The following MAGI2 variants were observed in gnomAD, a reference collection of about 807,000 sequenced individuals.
The protein encoded by MAGI2 is membrane associated guanylate kinase, WW and PDZ domain containing 2.
A neutral mutation model predicts 133.3 loss-of-function variants in MAGI2; 35 were observed. The observed-to-expected ratio is 0.26, with a 90% CI of 0.20 to 0.35. The LOEUF (loss-of-function observed/expected upper bound fraction) is 0.35, where lower values mean the gene tolerates loss of function less well. MAGI2 is among the 10% of genes least tolerant of loss of function. The probability of loss-of-function intolerance (pLI) is 1.00; values close to 1 mark genes in which losing one functional copy is unlikely to be tolerated. For synonymous variants in MAGI2, 729 were observed against 710.6 expected (o/e 1.03, Z -0.41); for missense variants, 1,636 against 1,863.4 (o/e 0.88, Z 2.25).
intron 5 of MAGI2, among the ~76,000 whole-genome samples, chr7:78,498,761 G>T (rs1308618261): frequency 6.6e-6 from 1 of 152,074 alleles, no homozygotes; most frequent in African/African-American, 2.4e-5. Context: ...TAAGGTGGAG[G>T]GTGTTGGGGA....
chr7:78,136,119 C>CT (rs35457952), intron 16 of MAGI2, among the ~76,000 whole-genome samples: 7 of 141,764 alleles, frequency 4.9e-5, no homozygotes, highest in Non-Finnish European at 9.3e-5. Flanking sequence ...TTTCTTTCTT[C>CT]TTTTTTTTTT....
At chr7:78,283,051 T>G (rs1584709437) in intron 9 of MAGI2, among the ~76,000 whole-genome samples, 1 of 152,108 alleles carries the variant, frequency 6.6e-6, no homozygotes, top group African/African-American at 2.4e-5. Context: ...ATTTTAGAGA[T>G]GAGGTCTCAC....
At chr7:78,361,118 A>G (rs1779610559) in intron 7 of MAGI2, among the ~76,000 whole-genome samples, 1 of 152,164 alleles carries the variant, frequency 6.6e-6, no homozygotes, top group African/African-American at 2.4e-5. Flanking sequence ...TGCTTGGGCC[A>G]GGCGTGGTGG....
intron 1 of MAGI2, among the ~76,000 whole-genome samples, chr7:79,421,044 A>T (rs1378700653): frequency 6.6e-6 from 1 of 152,016 alleles, no homozygotes; most frequent in Non-Finnish European, 1.5e-5. Flanking sequence ...AATTAAAACA[A>T]AGAACAAAAT....
intron 2 of MAGI2, among the ~76,000 whole-genome samples, chr7:78,765,130 A>G (rs1459046569): frequency 6.6e-6 from 1 of 152,130 alleles, no homozygotes; most frequent in African/African-American, 2.4e-5. Context: ...GCAAGCACTC[A>G]AGTGTGATTT....
At chr7:79,212,203 A>G (rs775733521) in intron 1 of MAGI2, among the ~76,000 whole-genome samples, 3 of 152,018 alleles carry the variant, frequency 2.0e-5, no homozygotes, top group African/African-American at 4.8e-5. Context: ...ATGTTGCATT[A>G]TTTGTAGTTG....
intron 4 of MAGI2, 100 bp from the exon 5 acceptor site, chr7:78,501,887 T>C: frequency 3.7e-6 from 3 of 807,360 alleles, no homozygotes; most frequent in Non-Finnish European, 6.1e-6. Flanking sequence ...CATGAATAAC[T>C]TCTATGAAGG....
chr7:78,959,206 C>T (rs919221651), intron 2 of MAGI2, among the ~76,000 whole-genome samples: 1 of 152,098 alleles, frequency 6.6e-6, no homozygotes, highest in African/African-American at 2.4e-5. Flanking sequence ...ACACCTTAGG[C>T]AACTCAGCTT....
intron 1 of MAGI2, among the ~76,000 whole-genome samples, chr7:79,210,885 C>T (rs1206012774): frequency 6.6e-6 from 1 of 152,056 alleles, no homozygotes; most frequent in African/African-American, 2.4e-5. Flanking sequence ...TCACTTCTTT[C>T]ACTGTTGAAT....
chr7:78,537,600 ATGT>A (rs1247559102), intron 3 of MAGI2, among the ~76,000 whole-genome samples: 2 of 152,066 alleles, frequency 1.3e-5, no homozygotes. Context: ...ATAATTAGTG[ATGT>A]TGAGGATTTT....
chr7:78,863,875 C>T (rs1794346965), intron 2 of MAGI2, among the ~76,000 whole-genome samples: 1 of 152,098 alleles, frequency 6.6e-6, no homozygotes, highest in Non-Finnish European at 1.5e-5. Context: ...AAATTTGTCC[C>T]ATTTCTAAGA....
intron 1 of MAGI2, among the ~76,000 whole-genome samples, chr7:79,048,749 C>T (rs1200440463): frequency 6.6e-6 from 1 of 151,854 alleles, no homozygotes; most frequent in Admixed American, 6.6e-5. Flanking sequence ...CAAGGTGGGC[C>T]GATCACTTGA....
intron 2 of MAGI2, among the ~76,000 whole-genome samples, chr7:78,812,130 A>G (rs977291711): frequency 1.2e-4 from 19 of 152,304 alleles, no homozygotes; most frequent in African/African-American, 4.6e-4. Flanking sequence ...ATTTTCTCCC[A>G]GATCCCCTAG....
chr7:78,321,417 C>T (rs1253233555), intron 9 of MAGI2, among the ~76,000 whole-genome samples: 1 of 152,138 alleles, frequency 6.6e-6, no homozygotes, highest in African/African-American at 2.4e-5. Context: ...GGTACCAAAA[C>T]AGAGATATAG....
At chr7:78,888,207 T>C (rs7801273) in intron 2 of MAGI2, among the ~76,000 whole-genome samples, 9,353 of 152,228 alleles carry the variant, frequency 0.061, 357 homozygotes, top group Middle Eastern at 0.11. Context: ...TGCTGAGGCT[T>C]CAGTAGGTAA....
chr7:79,390,360 A>G (rs951850461), intron 1 of MAGI2, among the ~76,000 whole-genome samples: 2 of 152,234 alleles, frequency 1.3e-5, no homozygotes, highest in Non-Finnish European at 2.9e-5. Flanking sequence ...CTCCATTTGG[A>G]AAGTTTTAGA....
intron 2 of MAGI2, among the ~76,000 whole-genome samples, chr7:78,655,891 G>A (rs1812199397): frequency 6.9e-6 from 1 of 145,844 alleles, no homozygotes; most frequent in Non-Finnish European, 1.5e-5. Context: ...TGAGGCAGGA[G>A]AATGGCCTGA....
At chr7:78,319,631 T>G (rs1369836075) in intron 9 of MAGI2, among the ~76,000 whole-genome samples, 1 of 152,216 alleles carries the variant, frequency 6.6e-6, no homozygotes, top group African/African-American at 2.4e-5. Flanking sequence ...TAAAGCAGTG[T>G]GTAGAGGGAA....
At chr7:78,757,997 G>T (rs369763108) in intron 2 of MAGI2, among the ~76,000 whole-genome samples, 1 of 152,086 alleles carries the variant, frequency 6.6e-6, no homozygotes, top group Non-Finnish European at 1.5e-5. Context: ...TTCTATCAAA[G>T]GTTTCTGTAC....
Sources: allele counts gnomAD v4.1 joint callset (sites outside exome capture counted in the v4.1 genomes callset), GRCh38; gene constraint gnomAD v4.1.1; transcripts MANE v1.5; gene names NCBI Gene and HGNC (gene_info 2026-07-23, HGNC 2026-07-21).